HERC1: variants seen among roughly 807,000 people sequenced by gnomAD.
HERC1 encodes HECT and RLD domain containing E3 ubiquitin protein ligase family member 1, also known as probable E3 ubiquitin-protein ligase HERC1.
Under a neutral mutation model 554.3 loss-of-function variants are expected in HERC1, and 160 were observed. The ratio of observed to expected loss-of-function variants is 0.29; its 90% CI spans 0.25 to 0.33. The LOEUF (loss-of-function observed/expected upper bound fraction) is 0.33, where lower values mean the gene tolerates loss of function less well. Among genes scored for constraint, HERC1 ranks in the 10% least tolerant of loss-of-function variants. The probability of loss-of-function intolerance (pLI) is 1.00; values close to 1 mark genes in which losing one functional copy is unlikely to be tolerated. For missense variants in HERC1, 4,919 were observed against 5,918.5 expected (o/e 0.83, Z 5.54); for synonymous variants, 2,175 against 2,131.7 (o/e 1.02, Z -0.56).
chr15:63,766,875 C>G (rs576950454), intron 2 of HERC1, among the ~76,000 whole-genome samples: 1 of 151,896 alleles, frequency 6.6e-6, no homozygotes, highest in South Asian at 2.1e-4. Context: ...AGAGGTTTCT[C>G]CATGTTGGTT....
At chr15:63,669,781 G>A in intron 39 of HERC1, 83 bp from the exon 40 acceptor site, 1 of 1,299,360 alleles carries the variant, frequency 7.7e-7, no homozygotes, top group Non-Finnish European at 1.1e-6. Flanking sequence ...AGAAGAATAT[G>A]CAACCTGGAA....
chr15:63,744,110 CTGTG>C (rs142936354), intron 12 of HERC1, among the ~76,000 whole-genome samples: 1,625 of 92,920 alleles, frequency 0.017, 9 homozygotes, highest in Non-Finnish European at 0.022. Context: ...CCCAAACAGA[CTGTG>C]TGTGTGTGTG....
chr15:63,812,773 AG>A lies in HERC1; in HGVS notation c.-27+21053del, dbSNP rs1399153095. ...AGGATCTACATGCTAAAAATTATAA[AG>A]AAAAAATAAAAATAATAAACGAAAA... On this transcript the variant is annotated intron_variant, in intron 1 of 77. Coordinates refer to ENST00000443617, the MANE Select transcript of HERC1 (RefSeq NM_003922.4). 5.3e-5 allele frequency among the ~76,000 whole-genome samples: 8 copies of A among 152,312 alleles called. 1 individual carries two copies. The highest frequency in any genetic ancestry group is 1.9e-4 in the African/African-American group (8 of 41,586).
In HERC1 at chr15:63,661,064, A is replaced by C. The variant is rs1355400738; in HGVS notation, c.9171-39T>G. ...GAAGAACATTGCATTTTTATATAAA[A>C]CAGTTAGTACCCCAAGATGCAAATT... On this transcript the variant is annotated intron_variant, in intron 45 of 77. Coordinates refer to ENST00000443617, the MANE Select transcript of HERC1 (RefSeq NM_003922.4). 7 of 1,420,234 alleles carry C rather than the reference A, an allele frequency of 4.9e-6. No individual in the cohort carries two copies. In the South Asian group the frequency reaches 6.9e-5, roughly 14 times the overall value. 88.0% of individuals were successfully genotyped at this position (1,420,234 alleles called of 1,614,324 possible). A position where few individuals can be genotyped will look rare whatever the true frequency, so the allele number is the denominator to read the frequency against.
intron 1 of HERC1, among the ~76,000 whole-genome samples, chr15:63,826,018 C>A (rs946748266): frequency 6.6e-6 from 1 of 152,126 alleles, no homozygotes; most frequent in Non-Finnish European, 1.5e-5. Flanking sequence ...CCACCTCAGC[C>A]TCCCAAAGTG....
intron 26 of HERC1, 111 bp downstream of exon 26, chr15:63,698,616 AG>A: frequency 9.6e-7 from 1 of 1,038,342 alleles, no homozygotes. Flanking sequence ...GGTACAGGAA[AG>A]GGGAAGGCAA....
chr15:63,803,053 T>C (rs942665557), intron 1 of HERC1, among the ~76,000 whole-genome samples: 1 of 151,932 alleles, frequency 6.6e-6, no homozygotes, highest in African/African-American at 2.4e-5. Flanking sequence ...CTACAAAAAA[T>C]AATTTGGCAG....
chr15:63,803,902 G>T (rs189129160), intron 1 of HERC1, among the ~76,000 whole-genome samples: 49 of 152,260 alleles, frequency 3.2e-4, no homozygotes, highest in African/African-American at 1.2e-3. Context: ...TAATCAAGAC[G>T]TGGTAGTGGC....
At chr15:63,684,751 T>C (rs771457916) in intron 34 of HERC1, among the ~76,000 whole-genome samples, 1 of 152,184 alleles carries the variant, frequency 6.6e-6, no homozygotes, top group Non-Finnish European at 1.5e-5. Flanking sequence ...CTCACACCTG[T>C]AATCCCAGCA....
rs1339619457 is a variant in HERC1, at chr15:63,692,800, G to T, written c.5675-234C>A. Among the ~76,000 whole-genome samples, 2 of 152,186 alleles carry T rather than the reference G, an allele frequency of 1.3e-5. No homozygotes were observed. The highest frequency in any genetic ancestry group is 3.8e-4 in the East Asian group (2 of 5,200). On this transcript the variant is annotated intron_variant, in intron 30 of 77. Coordinates refer to ENST00000443617, the MANE Select transcript of HERC1 (RefSeq NM_003922.4). This position sits in a 1 kb window ranked among gnomAD's most constrained non-coding sequence, Gnocchi z 4.7. ...ATAAAAATGAATATGCTATAACTATGATGACTAAGTATAATAAAGAATTAT... is the reference window on the plus strand; with the variant it reads ...ATAAAAATGAATATGCTATAACTATTATGACTAAGTATAATAAAGAATTAT...
intron 3 of HERC1, among the ~76,000 whole-genome samples, chr15:63,759,478 T>A (rs2142165650): frequency 6.6e-6 from 1 of 152,302 alleles, no homozygotes; most frequent in East Asian, 1.9e-4. Flanking sequence ...TCATAATAAG[T>A]ATCATGCTTT....
intron 55 of HERC1, among the ~76,000 whole-genome samples, chr15:63,647,171 T>G (rs1471367666): frequency 6.6e-6 from 1 of 151,988 alleles, no homozygotes; most frequent in Non-Finnish European, 1.5e-5. Flanking sequence ...GAAGAATTGC[T>G]TGAACCTGGG....
intron 1 of HERC1, among the ~76,000 whole-genome samples, chr15:63,776,679 T>C (rs1266254032): frequency 1.3e-5 from 2 of 152,140 alleles, no homozygotes; most frequent in Non-Finnish European, 2.9e-5. Context: ...TGTTAAAACC[T>C]AGTGGGCTGG....
At position 63,737,891 on chromosome 15, in the gene HERC1, G is replaced by C. The variant is rs180679938; in HGVS notation, c.2521-3042C>G. On this transcript the variant is annotated intron_variant, in intron 12 of 77. Transcript: ENST00000443617. ...AGACAATGAAGCAATGACTTCACAA[G>C]TCTTACTGAAAAATGATTTCCAATT... 3.9e-5 allele frequency among the ~76,000 whole-genome samples: 6 copies of C among 152,174 alleles called. No individual in the cohort carries two copies. The East Asian group carries it at 1.2e-3, about 29-fold the overall frequency.
At chr15:63,774,543 G>C (rs946369542) in intron 2 of HERC1, 151 bp downstream of exon 2, 6 of 639,036 alleles carry the variant, frequency 9.4e-6, no homozygotes, top group Non-Finnish European at 1.6e-5. Flanking sequence ...ATGCATAAAA[G>C]TTTCTTCACT....
chr15:63,674,737 C>T lies in HERC1; in HGVS notation c.7451G>A (p.Gly2484Glu). The change falls in exon 38 of 78, where the codon GGG becomes GAG. Residue 2484 changes from glycine (G) to glutamate (E), a missense_variant. Physicochemically the swap from Gly to Glu is moderately conservative, Grantham distance 98. Transcript: ENST00000443617. ...SVESQHQITE[G>E]KRKNHEHMSK... is the part of the protein sequence containing the mutation. Reference sequence around the variant, plus strand: ...CATGTGTTCATGATTTTTTCTTTTCCCTTCTGTTATTTGATGTTGGGATTC... The same window carrying T: ...CATGTGTTCATGATTTTTTCTTTTCTCTTCTGTTATTTGATGTTGGGATTC... 3.1e-6 allele frequency: 5 copies of T among 1,613,356 alleles called. No individual in the cohort carries two copies. The highest frequency in any genetic ancestry group is 3.4e-6 in the Non-Finnish European group (4 of 1,179,702).
rs538885688 is a variant in HERC1 at position 63,820,436 on chromosome 15, T to C, written c.-27+13391A>G. On this transcript the variant is annotated intron_variant, in intron 1 of 77. Transcript: ENST00000443617. ...AACGGCCCACGATGCTTCTAAATTT[T>C]ATTAACATTGAAATATAATCTTCCT... Among the ~76,000 whole-genome samples the C allele has an allele frequency of 5.3e-5, 8 of 152,346 alleles. No homozygotes were observed. In the East Asian group the frequency reaches 5.8e-4, roughly 11 times the overall value.
intron 12 of HERC1, among the ~76,000 whole-genome samples, chr15:63,741,591 G>A (rs762807710): frequency 3.3e-5 from 5 of 152,152 alleles, no homozygotes; most frequent in Admixed American, 2.0e-4. Context: ...ACAGGCGTGC[G>A]CCTGGCCCTA....
intron 12 of HERC1, among the ~76,000 whole-genome samples, chr15:63,744,162 G>GTCTCTCTCTCTCTCTC (rs1567078071): frequency 2.8e-5 from 1 of 35,712 alleles, no homozygotes; most frequent in South Asian, 5.7e-4. Context: ...GTGTGTGTGT[G>GTCTCTCTCTCTCTCTC]TGTCTCTCTC....
Sources: allele counts gnomAD v4.1 joint callset (sites outside exome capture counted in the v4.1 genomes callset), GRCh38; gene constraint gnomAD v4.1.1; non-coding constraint Gnocchi (gnomAD v3.1); transcripts MANE v1.5; gene names NCBI Gene and HGNC (gene_info 2026-07-23, HGNC 2026-07-21).